Variants in IFT74 observed in about 807,000 individuals in gnomAD.
IFT74 encodes the protein intraflagellar transport protein 74 homolog.
Under a neutral mutation model 96.7 loss-of-function variants are expected in IFT74, and 92 were observed. That is an observed-to-expected ratio of 0.95 (90% CI 0.80 to 1.13). The LOEUF (loss-of-function observed/expected upper bound fraction) is 1.13, where lower values mean the gene tolerates loss of function less well. Ranked by LOEUF, IFT74 falls within the 50% of genes most tolerant of loss-of-function variation. IFT74 has a pLI of 0.00. For missense variants in IFT74, 811 were observed against 698.2 expected, an observed-to-expected ratio of 1.16 and a Z score of -1.82; for synonymous variants, 223 against 213.2, an observed-to-expected ratio of 1.05 and a Z score of -0.40.
intron 14 of IFT74, among the ~76,000 whole-genome samples, chr9:27,045,660 C>G (rs1227851181): frequency 6.6e-6 from 1 of 152,066 alleles, no homozygotes; most frequent in Non-Finnish European, 1.5e-5. Context: ...CATGTATTCT[C>G]AATTACTGGT....
At chr9:26,999,526 G>A in intron 8 of IFT74, 2 of 957,844 alleles carry the variant, frequency 2.1e-6, no homozygotes, top group Non-Finnish European at 1.5e-6. Flanking sequence ...GATTTTCTTT[G>A]CTTTCTTATT....
intron 1 of IFT74, among the ~76,000 whole-genome samples, chr9:26,948,261 A>C (rs1454202353): frequency 6.6e-6 from 1 of 152,058 alleles, no homozygotes. Flanking sequence ...TCCAAACTCT[A>C]GATCTGTATT....
intron 18 of IFT74, among the ~76,000 whole-genome samples, chr9:27,060,289 A>C (rs957255501): frequency 2.0e-5 from 3 of 152,128 alleles, no homozygotes; most frequent in African/African-American, 7.2e-5. Context: ...TTTTCTTTTA[A>C]AAGTTTTTTT....
intron 8 of IFT74, among the ~76,000 whole-genome samples, chr9:27,007,864 T>C (rs1049794791): frequency 1.1e-4 from 16 of 152,236 alleles, no homozygotes; most frequent in Non-Finnish European, 2.1e-4. Flanking sequence ...CAGCTTTTTA[T>C]AAAATGTAAA....
chr9:26,986,241 CTAATTATAGTATAACT>C (rs1186917073), intron 6 of IFT74, among the ~76,000 whole-genome samples: 5 of 151,660 alleles, frequency 3.3e-5, no homozygotes, highest in Admixed American at 6.6e-5. Flanking sequence ...AAAAATTTTG[CTAATTATAGTATAACT>C]TTTTATTTTT....
intron 13 of IFT74, among the ~76,000 whole-genome samples, chr9:27,035,333 A>G (rs1819122856): frequency 6.6e-6 from 1 of 152,248 alleles, no homozygotes; most frequent in South Asian, 2.1e-4. Flanking sequence ...AATGGCATCT[A>G]TCCATTACTA....
chr9:26,970,469 C>T (rs1826834448), intron 2 of IFT74, among the ~76,000 whole-genome samples: 1 of 152,106 alleles, frequency 6.6e-6, no homozygotes, highest in Non-Finnish European at 1.5e-5. Flanking sequence ...AATATGTGGC[C>T]AAGTGAATAC....
intron 1 of IFT74, among the ~76,000 whole-genome samples, chr9:26,948,051 A>C (rs1029402383): frequency 4.3e-4 from 66 of 152,040 alleles, no homozygotes; most frequent in African/African-American, 1.5e-3. Context: ...AACCTTTCTA[A>C]ATTGCTAAGC....
At chr9:27,046,482 T>C (rs777125245) in intron 14 of IFT74, among the ~76,000 whole-genome samples, 6 of 152,130 alleles carry the variant, frequency 3.9e-5, no homozygotes, top group Non-Finnish European at 5.9e-5. Flanking sequence ...AAAATGTAAA[T>C]AAGAGCTGTT....
chr9:27,015,125 T>C (rs1829280801), intron 10 of IFT74, among the ~76,000 whole-genome samples: 1 of 152,150 alleles, frequency 6.6e-6, no homozygotes, highest in Non-Finnish European at 1.5e-5. Flanking sequence ...TTCAAACAAA[T>C]CTATAGGATT....
At chr9:27,061,166 TGTGC>T (rs1456975928) in intron 19 of IFT74, among the ~76,000 whole-genome samples, 3 of 149,240 alleles carry the variant, frequency 2.0e-5, no homozygotes, top group Non-Finnish European at 1.5e-5. Context: ...TGTGTGTGTG[TGTGC>T]GCACGCACGT....
At chr9:26,947,183 C>T in intron 1 of IFT74, 1 of 1,064,974 alleles carries the variant, frequency 9.4e-7, no homozygotes, top group Non-Finnish European at 1.3e-6. Flanking sequence ...GCCCGAGAGC[C>T]GGTACGGAAG....
At chr9:27,047,515 T>C in intron 15 of IFT74, 144 bp downstream of exon 15, 1 of 544,914 alleles carries the variant, frequency 1.8e-6, no homozygotes, top group South Asian at 2.7e-5. Context: ...TTACTATTTA[T>C]TTCAGCTATT....
intron 10 of IFT74, among the ~76,000 whole-genome samples, chr9:27,015,710 G>T (rs1276534399): frequency 6.6e-6 from 1 of 152,108 alleles, no homozygotes; most frequent in Non-Finnish European, 1.5e-5. Context: ...GGTTTCAAAT[G>T]TCACTGTTAA....
chr9:26,957,978 C>A (rs1194580084), intron 1 of IFT74, among the ~76,000 whole-genome samples: 1 of 152,098 alleles, frequency 6.6e-6, no homozygotes, highest in Non-Finnish European at 1.5e-5. Flanking sequence ...TGGTCTCCAT[C>A]TCCTGATCTC....
At chr9:27,026,180 T>C (rs777009590) in intron 12 of IFT74, among the ~76,000 whole-genome samples, 18 of 151,862 alleles carry the variant, frequency 1.2e-4, no homozygotes, top group Admixed American at 5.3e-4. Context: ...CAAGTAGGAG[T>C]AGCTATTCTT....
At chr9:27,056,995 G>C (rs946446885) in intron 18 of IFT74, among the ~76,000 whole-genome samples, 2 of 151,900 alleles carry the variant, frequency 1.3e-5, no homozygotes, top group Non-Finnish European at 2.9e-5. Flanking sequence ...ATATCATTTA[G>C]GAGCTTGTTT....
intron 2 of IFT74, among the ~76,000 whole-genome samples, chr9:26,967,823 A>G (rs149268182): frequency 3.5e-4 from 53 of 152,286 alleles, no homozygotes; most frequent in South Asian, 1.5e-3. Context: ...ATGTCATCAA[A>G]TGCTTTTACA....
chr9:26,999,635 G>T (rs1197767520), intron 8 of IFT74: 2 of 1,606,632 alleles, frequency 1.2e-6, no homozygotes, highest in Non-Finnish European at 1.7e-6. Context: ...ACTGGATTTT[G>T]TCTGATAATA....
Sources: allele counts gnomAD v4.1 joint callset (sites outside exome capture counted in the v4.1 genomes callset), GRCh38; gene constraint gnomAD v4.1.1; transcripts MANE v1.5; gene names NCBI Gene and HGNC (gene_info 2026-07-23, HGNC 2026-07-21).